FRAS1: variants seen among roughly 807,000 people sequenced by gnomAD.
FRAS1 encodes Fraser extracellular matrix complex subunit 1.
In FRAS1, 290 loss-of-function variants were observed where a neutral mutation model predicts 435.2. The ratio of observed to expected loss-of-function variants is 0.67; its 90% CI spans 0.61 to 0.73. The LOEUF (loss-of-function observed/expected upper bound fraction) is 0.73, where lower values mean the gene tolerates loss of function less well. Among genes scored for constraint, FRAS1 ranks in the 30% least tolerant of loss-of-function variants. The pLI, the probability that FRAS1 is intolerant of heterozygous loss-of-function variation, is 0.00. For synonymous variants in FRAS1, 1,800 were observed against 1,851.0 expected, an observed-to-expected ratio of 0.97 and a Z score of 0.71; for missense variants, 4,860 against 5,001.5, an observed-to-expected ratio of 0.97 and a Z score of 0.85.
intron 47 of FRAS1, among the ~76,000 whole-genome samples, chr4:78,455,762 CTG>C (rs1172813886): frequency 6.6e-6 from 1 of 152,168 alleles, no homozygotes; most frequent in Non-Finnish European, 1.5e-5. Flanking sequence ...CTTGTATGCG[CTG>C]TCTTTTCAAG....
intron 2 of FRAS1, among the ~76,000 whole-genome samples, chr4:78,226,882 G>A (rs1365364732): frequency 6.6e-6 from 1 of 151,710 alleles, no homozygotes; most frequent in Non-Finnish European, 1.5e-5. Context: ...TATCCTTTTG[G>A]TTTTTTCTGC....
At position 78,519,372 on chromosome 4, in the gene FRAS1, T is replaced by G. The variant is rs1229066136; in HGVS notation, c.10431T>G (p.Pro3477=). 1 of 1,604,054 alleles carries G rather than the reference T, an allele frequency of 6.2e-7. No homozygotes were observed. The highest frequency in any genetic ancestry group is 8.5e-7 in the Non-Finnish European group (1 of 1,176,842). Residue 3477 remains proline, a synonymous_variant, in exon 67 of 74, where the codon CCT becomes CCG. Transcript: ENST00000512123. ...SAQSFLTVHV[P]LYVSYIYVTA... The stretch of plus-strand genomic sequence containing the variant: ...AGTCCTTCTTGACAGTGCACGTGCC[T>G]CTATATGTGTCCTACATCTATGTGA...
chr4:78,089,428 A>T (rs149005295), intron 2 of FRAS1, among the ~76,000 whole-genome samples: 14 of 152,204 alleles, frequency 9.2e-5, no homozygotes, highest in African/African-American at 3.4e-4. Context: ...TTAAAGTATA[A>T]TAATAATAAA....
chr4:78,160,492 C>T (rs1345761819), intron 2 of FRAS1, among the ~76,000 whole-genome samples: 1 of 152,162 alleles, frequency 6.6e-6, no homozygotes, highest in Admixed American at 6.5e-5. Context: ...AGTAGTTTTG[C>T]TCATTGGATG....
At chr4:78,487,884 G>T (rs1443484467) in intron 58 of FRAS1, among the ~76,000 whole-genome samples, 3 of 152,150 alleles carry the variant, frequency 2.0e-5, no homozygotes, top group African/African-American at 7.2e-5. Context: ...AAGTAGAAGG[G>T]CTGAGATGGA....
intron 36 of FRAS1, among the ~76,000 whole-genome samples, chr4:78,430,024 G>T (rs941636648): frequency 6.6e-6 from 1 of 152,136 alleles, no homozygotes. Flanking sequence ...CTTCCTCTGT[G>T]CATGCTGTCA....
intron 60 of FRAS1, among the ~76,000 whole-genome samples, chr4:78,497,999 C>A (rs149373201): frequency 0.011 from 1,741 of 152,232 alleles, 30 homozygotes; most frequent in African/African-American, 0.04. Flanking sequence ...AACAGACAAC[C>A]AAACACCACA....
intron 2 of FRAS1, among the ~76,000 whole-genome samples, chr4:78,097,921 G>GAAGGCAATGGAAGATGGTCTTCTAC (rs140294642): frequency 0.06 from 9,201 of 152,096 alleles, 763 homozygotes; most frequent in African/African-American, 0.19. Context: ...AAGACCACCT[G>GAAGGCAATGGAAGATGGTCTTCTAC]AAGGCAATGG....
intron 60 of FRAS1, among the ~76,000 whole-genome samples, chr4:78,497,951 G>C (rs1207097874): frequency 1.3e-5 from 2 of 152,156 alleles, no homozygotes; most frequent in Non-Finnish European, 2.9e-5. Context: ...TTGAGACTCA[G>C]ACAAATAAGA....
At chr4:78,511,648 G>A in intron 64 of FRAS1, 142 bp downstream of exon 64, 3 of 750,654 alleles carry the variant, frequency 4.0e-6, no homozygotes, top group Middle Eastern at 3.3e-4. Flanking sequence ...GTTTAAATCT[G>A]TGAAGGTCCC....
chr4:78,278,847 A>G (rs563535817), intron 10 of FRAS1, 103 bp downstream of exon 10: 21 of 736,448 alleles, frequency 2.9e-5, no homozygotes, highest in East Asian at 1.9e-4. Context: ...CATTTGTTCA[A>G]CAAATGTTAT....
At chr4:78,250,862 T>A (rs963195391) in intron 4 of FRAS1, among the ~76,000 whole-genome samples, 1 of 152,196 alleles carries the variant, frequency 6.6e-6, no homozygotes, top group African/African-American at 2.4e-5. Flanking sequence ...ATAATTAGTA[T>A]TTTTTACAAT....
rs767345987 is a variant in FRAS1, at chr4:78,540,513, C to G, written c.11446-18C>G. 1 of 1,464,408 alleles carries G rather than the reference C, an allele frequency of 6.8e-7. No individual in the cohort carries two copies. The highest frequency in any genetic ancestry group is 1.5e-5 in the South Asian group (1 of 65,162). 90.7% of individuals were successfully genotyped at this position (1,464,408 alleles called of 1,614,324 possible). A position where few individuals can be genotyped will look rare whatever the true frequency, so the allele number is the denominator to read the frequency against. ...GGTCTGTGGGCAACAACAACATGTT[C>G]GGTTTGTCCCCCTGCAGGTGGAAGC... On this transcript the variant is annotated intron_variant, in intron 73 of 73. Transcript: ENST00000512123.
Position 78,446,768 on chromosome 4 carries a change from C to T in FRAS1, c.5898C>T (p.Leu1966=). 6.2e-7 allele frequency: 1 copy of T among 1,613,564 alleles called. No individual in the cohort carries two copies. The highest frequency in any genetic ancestry group is 1.1e-5 in the South Asian group (1 of 90,998). ...CTCCCAGGATGACCTTGCAGCCCCT[C>T]AGAGTGCAGCTGAGCTCGGGAGTGG... ...DEPPRMTLQP[L]RVQLSSGVVI... is the part of the protein sequence containing the mutation. The change falls in exon 43 of 74, where the codon CTC becomes CTT. Residue 1966 remains leucine (L), a synonymous_variant. Coordinates refer to ENST00000512123, the MANE Select transcript of FRAS1 (RefSeq NM_025074.7).
intron 14 of FRAS1, among the ~76,000 whole-genome samples, chr4:78,305,747 T>C (rs1728676992): frequency 6.6e-6 from 1 of 152,070 alleles, no homozygotes; most frequent in African/African-American, 2.4e-5. Context: ...ATATTGAGCC[T>C]ATGTGTGTCT....
Position 78,446,880 on chromosome 4 carries a change from G to A in FRAS1, c.6010G>A (p.Gly2004Ser), listed in dbSNP as rs771251344. 2.5e-6 allele frequency: 4 copies of A among 1,604,110 alleles called. No homozygotes were observed. Among genetic ancestry groups the A allele is most frequent in the South Asian group, 1.1e-5 (1 of 89,090 alleles). The change falls in exon 43 of 74, where the codon GGT becomes AGT. Residue 2004 changes from glycine to serine, a missense_variant and splice_region_variant. By Grantham distance (56) the Gly-to-Ser change is moderately conservative. Transcript: ENST00000512123. ...TGTATTGACAAAAAAGCCTGACCAC[G>A]GTAGGGCACGAACTGCTATGAAAAG... is the stretch of plus-strand genomic sequence containing the variant. ...IFVLTKKPDHGHVLWRQTASE... is the reference protein window; with the variant it reads ...IFVLTKKPDHSHVLWRQTASE...
chr4:78,173,078 G>A (rs1721625665), intron 2 of FRAS1, among the ~76,000 whole-genome samples: 1 of 152,114 alleles, frequency 6.6e-6, no homozygotes, highest in Non-Finnish European at 1.5e-5. Flanking sequence ...GGCTGACTTC[G>A]GTTTTACAAC....
At chr4:78,317,042 C>T (rs536319463) in intron 16 of FRAS1, among the ~76,000 whole-genome samples, 12 of 152,318 alleles carry the variant, frequency 7.9e-5, no homozygotes, top group African/African-American at 2.9e-4. Context: ...TCCAAGACCT[C>T]AGTCTCCTCA....
intron 20 of FRAS1, among the ~76,000 whole-genome samples, chr4:78,363,139 A>G (rs977953055): frequency 6.6e-6 from 1 of 151,950 alleles, no homozygotes; most frequent in Non-Finnish European, 1.5e-5. Context: ...GGGTTGGGGG[A>G]AGCTGCACTC....
Sources: gnomAD v4.1 joint callset for allele counts (sites outside exome capture counted in the v4.1 genomes callset) on GRCh38, gnomAD v4.1.1 for gene constraint, MANE v1.5 for transcripts, NCBI Gene and HGNC (gene_info 2026-07-23, HGNC 2026-07-21) for gene names.